Variants in IQGAP2 observed in about 807,000 individuals in gnomAD.
IQGAP2 encodes the protein IQ motif containing GTPase activating protein 2.
Under a neutral mutation model 201.3 loss-of-function variants are expected in IQGAP2, and 173 were observed. That is an observed-to-expected ratio of 0.86 (90% confidence interval 0.76 to 0.98). IQGAP2 has a LOEUF of 0.98. IQGAP2 is among the 50% of genes least tolerant of loss of function. The probability of loss-of-function intolerance (pLI) is 0.00; values close to 1 mark genes in which losing one functional copy is unlikely to be tolerated. For synonymous variants in IQGAP2, 675 were observed against 673.9 expected (o/e 1.00, Z -0.03); for missense variants, 1,687 against 1,864.8 (o/e 0.90, Z 1.76).
At chr5:76,445,923 T>G (rs898426585) in intron 1 of IQGAP2, among the ~76,000 whole-genome samples, 4 of 152,238 alleles carry the variant, frequency 2.6e-5, no homozygotes, top group African/African-American at 4.8e-5. Context: ...GTACCTCATA[T>G]AGGTGGACTC....
chr5:76,413,028 TCTGTATCCTTCTTTAC>T (rs375197957), intron 1 of IQGAP2, among the ~76,000 whole-genome samples: 4,723 of 152,124 alleles, frequency 0.031, 263 homozygotes, highest in African/African-American at 0.1. Flanking sequence ...TGCCCCTTGG[TCTGTATCCTTCTTTAC>T]CTGTATCCTT....
intron 17 of IQGAP2, among the ~76,000 whole-genome samples, chr5:76,646,438 A>G (rs550046896): frequency 6.6e-6 from 1 of 152,344 alleles, no homozygotes; most frequent in East Asian, 1.9e-4. Context: ...TAAAAGTACA[A>G]AATCTCAAGC....
At chr5:76,598,790 A>C (rs1224284813) in intron 10 of IQGAP2, among the ~76,000 whole-genome samples, 1 of 152,226 alleles carries the variant, frequency 6.6e-6, no homozygotes, top group African/African-American at 2.4e-5. Flanking sequence ...ACAAATGTTT[A>C]ATTAATAACA....
intron 25 of IQGAP2, 72 bp from the exon 26 acceptor site, chr5:76,673,880 C>A (rs1316642851): frequency 2.2e-6 from 2 of 909,760 alleles, no homozygotes; most frequent in Non-Finnish European, 3.6e-6. Context: ...TTGACTGGAA[C>A]AATTGCTGTG....
Position 76,454,006 on chromosome 5 carries a change from G to A in IQGAP2, c.47-7564G>A, listed in dbSNP as rs546595371. 1.4e-4 allele frequency among the ~76,000 whole-genome samples: 21 copies of A among 152,284 alleles called. No individual in the cohort carries two copies. The South Asian group carries it at 1.4e-3, about 11-fold the overall frequency. On this transcript the variant is annotated intron_variant, in intron 1 of 35. Transcript: ENST00000274364. ...ACTGAGATCTGTATGGGGATGGGAG[G>A]ACAGAGTGTATAGGAGCAGGCAGTG...
intron 20 of IQGAP2, 40 bp downstream of exon 20, chr5:76,655,043 T>A (rs754513572): frequency 6.9e-7 from 1 of 1,456,710 alleles, no homozygotes; most frequent in Admixed American, 1.7e-5. Flanking sequence ...GGATTTTTTA[T>A]AAACCAGGCA....
At chr5:76,488,549 A>T (rs77978924) in intron 2 of IQGAP2, among the ~76,000 whole-genome samples, 1 of 152,176 alleles carries the variant, frequency 6.6e-6, no homozygotes, top group Non-Finnish European at 1.5e-5. Context: ...AATTCTTCTG[A>T]TCTAAAAACA....
chr5:76,450,877 G>T (rs1753696673), intron 1 of IQGAP2, among the ~76,000 whole-genome samples: 1 of 152,072 alleles, frequency 6.6e-6, no homozygotes, highest in Non-Finnish European at 1.5e-5. Flanking sequence ...ATCCCCATTT[G>T]CATAGTATGA....
rs759320505 is a variant in IQGAP2 at position 76,671,866 on chromosome 5, T to C, written c.2951T>C (p.Leu984Pro). The change falls in exon 24 of 36, where the codon CTC becomes CCC. Residue 984 changes from leucine to proline, a missense_variant. Physicochemically the swap from Leu to Pro is moderately conservative, Grantham distance 98 (BLOSUM62 -3). Transcript: ENST00000274364. Reference sequence around the variant, plus strand: ...CGGGGACAGAACACCCTGCGCCAACTCCTGGCTCCAGTGGTAAAAGAGATC... The same window carrying C: ...CGGGGACAGAACACCCTGCGCCAACCCCTGGCTCCAGTGGTAAAAGAGATC... Reference protein sequence around the residue: ...GARGQNTLRQLLAPVVKEIID... With the variant: ...GARGQNTLRQPLAPVVKEIID... 1.9e-6 allele frequency: 3 copies of C among 1,614,032 alleles called. No homozygotes were observed. The East Asian group carries it at 6.7e-5, about 36-fold the overall frequency.
At chr5:76,479,078 C>T (rs1333794333) in intron 2 of IQGAP2, among the ~76,000 whole-genome samples, 3 of 152,100 alleles carry the variant, frequency 2.0e-5, no homozygotes, top group Admixed American at 6.5e-5. Context: ...ACCCCTTTTA[C>T]ACCGCCTCCG....
At chr5:76,704,514 T>C (rs137991892) in intron 35 of IQGAP2, among the ~76,000 whole-genome samples, 42 of 152,350 alleles carry the variant, frequency 2.8e-4, no homozygotes, top group African/African-American at 9.4e-4. Flanking sequence ...GATTGTGAAA[T>C]GTTAATCCTT....
In IQGAP2 at chr5:76,555,577, T is replaced by C. The variant is rs142872051; in HGVS notation, c.147-6819T>C. On this transcript the variant is annotated intron_variant, in intron 2 of 35. Coordinates refer to ENST00000274364, the MANE Select transcript of IQGAP2 (RefSeq NM_006633.5). The stretch of plus-strand genomic sequence containing the variant: ...GGTGTGGCCAGGTACCACTCACTTG[T>C]TCATGTAACAGATCAGCAAGCCCCT... 2.1e-3 allele frequency among the ~76,000 whole-genome samples: 317 copies of C among 152,282 alleles called. 1 individual carries two copies. Among genetic ancestry groups the C allele is most frequent in the African/African-American group, 7.2e-3 (299 of 41,558 alleles).
At chr5:76,453,744 A>G (rs1753904000) in intron 1 of IQGAP2, among the ~76,000 whole-genome samples, 1 of 152,246 alleles carries the variant, frequency 6.6e-6, no homozygotes, top group South Asian at 2.1e-4. Flanking sequence ...ACTATTCATT[A>G]TCTATAGAGA....
intron 17 of IQGAP2, among the ~76,000 whole-genome samples, chr5:76,645,865 T>G (rs529259036): frequency 3.9e-5 from 6 of 152,190 alleles, no homozygotes; most frequent in Admixed American, 1.3e-4. Context: ...TGGGGTAATT[T>G]TGCCAATGCA....
chr5:76,610,578 T>A (rs952415181), intron 12 of IQGAP2, among the ~76,000 whole-genome samples: 41 of 147,476 alleles, frequency 2.8e-4, no homozygotes, highest in Non-Finnish European at 1.5e-4. Context: ...AAAAAAAAAA[T>A]AAAAATAAAA....
chr5:76,692,385 C>T (rs1746341501), intron 30 of IQGAP2, among the ~76,000 whole-genome samples: 1 of 152,206 alleles, frequency 6.6e-6, no homozygotes, highest in African/African-American at 2.4e-5. Flanking sequence ...CTTCTGACCG[C>T]AGGTGATCCG....
At chr5:76,451,737 C>T (rs1350256943) in intron 1 of IQGAP2, among the ~76,000 whole-genome samples, 1 of 152,080 alleles carries the variant, frequency 6.6e-6, no homozygotes, top group Non-Finnish European at 1.5e-5. Flanking sequence ...TGCAACTGAA[C>T]ATTAAAACAA....
chr5:76,503,002 T>C (rs891141913), intron 2 of IQGAP2, among the ~76,000 whole-genome samples: 4 of 151,840 alleles, frequency 2.6e-5, no homozygotes, highest in Non-Finnish European at 5.9e-5. Context: ...TGCTTCAGCC[T>C]CCCAAAGTGC....
intron 2 of IQGAP2, among the ~76,000 whole-genome samples, chr5:76,484,886 C>A (rs1756020105): frequency 6.6e-6 from 1 of 152,138 alleles, no homozygotes. Flanking sequence ...GGCTGGAGTG[C>A]AGTGGCATGA....
Sources: gnomAD v4.1 joint callset for allele counts (sites outside exome capture counted in the v4.1 genomes callset) on GRCh38, gnomAD v4.1.1 for gene constraint, MANE v1.5 for transcripts, NCBI Gene and HGNC (gene_info 2026-07-23, HGNC 2026-07-21) for gene names.